MICAL2: variants seen among roughly 807,000 people sequenced by gnomAD.
The protein encoded by MICAL2 is [F-actin]-monooxygenase MICAL2.
A neutral mutation model predicts 127.3 loss-of-function variants in MICAL2; 77 were observed. That is an observed-to-expected ratio of 0.60 (90% CI 0.50 to 0.73). MICAL2 has a LOEUF of 0.73. MICAL2 is among the 30% of genes least tolerant of loss of function. The pLI, the probability that MICAL2 is intolerant of heterozygous loss-of-function variation, is 0.00. For synonymous variants in MICAL2, 570 were observed against 551.1 expected (o/e 1.03, Z -0.48); for missense variants, 1,351 against 1,434.4 (o/e 0.94, Z 0.94).
chr11:12,255,629 C>T lies in MICAL2; in HGVS notation c.2848-14C>T. The T allele has an allele frequency of 6.2e-7, 1 of 1,613,298 alleles. No homozygotes were observed. The highest frequency in any genetic ancestry group is 8.5e-7 in the Non-Finnish European group (1 of 1,179,458). Reference sequence around the variant, plus strand: ...ACCTTTGTCTCTGTCTCCTCTGCCTCTGCTCTTGGTTAGCTGACGGTAGGG... The same window carrying T: ...ACCTTTGTCTCTGTCTCCTCTGCCTTTGCTCTTGGTTAGCTGACGGTAGGG... On this transcript the variant is annotated splice_polypyrimidine_tract_variant and intron_variant, in intron 22 of 27. Coordinates refer to ENST00000683283, the MANE Select transcript of MICAL2 (RefSeq NM_001282663.2).
intron 3 of MICAL2, among the ~76,000 whole-genome samples, chr11:12,165,024 A>C: frequency 6.6e-6 from 1 of 152,140 alleles, no homozygotes; most frequent in African/African-American, 2.4e-5. Context: ...CTGTAGTCCC[A>C]GCTACTCAGG....
At chr11:12,227,347 G>A (rs559378355) in intron 15 of MICAL2, among the ~76,000 whole-genome samples, 1 of 152,328 alleles carries the variant, frequency 6.6e-6, no homozygotes, top group African/African-American at 2.4e-5. Context: ...AGTGGTTATA[G>A]GAAGGACATG....
At chr11:12,220,482 C>A in intron 9 of MICAL2, 24 bp downstream of exon 9, 1 of 1,601,046 alleles carries the variant, frequency 6.2e-7, no homozygotes. Context: ...TCGGAGCCCC[C>A]ATGTTTCTCT....
chr11:12,312,577 A>G (rs953654712), intron 29 of MICAL2, among the ~76,000 whole-genome samples: 10 of 152,196 alleles, frequency 6.6e-5, no homozygotes, highest in African/African-American at 2.4e-4. Context: ...TCACCAACAA[A>G]AGGCAGTTTA....
In MICAL2 at chr11:12,226,353, C is replaced by A. The variant is rs1428900971; in HGVS notation, c.1871C>A (p.Thr624Asn). The change falls in exon 14 of 28, where the codon ACC becomes AAC. Residue 624 changes from threonine to asparagine, a missense_variant. By Grantham distance (65) the Thr-to-Asn change is moderately conservative. Around this residue, in one of 2 missense-constraint regions of MICAL2, gnomAD observed 752 missense variants for 719.4 expected, o/e 1.05. Coordinates refer to ENST00000683283, the MANE Select transcript of MICAL2 (RefSeq NM_001282663.2). ...AAGTTCTACGAGCTCTTCCGGGGCA[C>A]CCCACTGAGGCCCGTGGGTAAGCAC... ...LSKFYELFRGTPLRPVDSWRK... is the reference protein window; with the variant it reads ...LSKFYELFRGNPLRPVDSWRK... The A allele has an allele frequency of 6.2e-7, 1 of 1,614,050 alleles. No homozygotes were observed. The highest frequency in any genetic ancestry group is 1.1e-5 in the South Asian group (1 of 91,074).
chr11:12,321,123 G>A (rs1164492655), intron 30 of MICAL2, among the ~76,000 whole-genome samples: 1 of 152,136 alleles, frequency 6.6e-6, no homozygotes, highest in East Asian at 1.9e-4. Context: ...TTTAGGACCA[G>A]TCTCACAAAT....
intron 3 of MICAL2, among the ~76,000 whole-genome samples, chr11:12,191,487 A>AG (rs1491313537): frequency 1.3e-5 from 2 of 150,380 alleles, no homozygotes; most frequent in East Asian, 3.9e-4. Context: ...AAAAAAAAAA[A>AG]TGTAGGCCAG....
intron 29 of MICAL2, among the ~76,000 whole-genome samples, chr11:12,307,845 A>G (rs966592768): frequency 6.6e-6 from 1 of 152,090 alleles, no homozygotes; most frequent in Non-Finnish European, 1.5e-5. Flanking sequence ...CTAAAAGCAC[A>G]CTTTCTTGAT....
At chr11:12,122,810 C>G (rs1249691537) in intron 1 of MICAL2, among the ~76,000 whole-genome samples, 1 of 152,188 alleles carries the variant, frequency 6.6e-6, no homozygotes, top group Non-Finnish European at 1.5e-5. Flanking sequence ...AAGTTCTTCT[C>G]ATAAACCTTG....
chr11:12,203,284 G>A (rs1405071328), intron 3 of MICAL2, among the ~76,000 whole-genome samples: 2 of 152,188 alleles, frequency 1.3e-5, no homozygotes, highest in African/African-American at 4.8e-5. Context: ...ATCTAGGAGT[G>A]GAATTGCTAG....
chr11:12,342,686 G>A (rs569485870), intron 32 of MICAL2, among the ~76,000 whole-genome samples: 1 of 152,310 alleles, frequency 6.6e-6, no homozygotes, highest in South Asian at 2.1e-4. Context: ...TTTGACATGC[G>A]TCAGCTCATT....
chr11:12,359,884 G>A (rs372509452), downstream of MICAL2, among the ~76,000 whole-genome samples: 2 of 152,128 alleles, frequency 1.3e-5, no homozygotes, highest in African/African-American at 4.8e-5. Context: ...GCAACAGTTG[G>A]CTCTGACTGG....
chr11:12,116,817 T>C (rs2133438696), intron 1 of MICAL2: 1 of 152,350 alleles, frequency 6.6e-6, no homozygotes, highest in East Asian at 1.9e-4. Context: ...TATGGAATAG[T>C]GTCTGAAGTA....
intron 3 of MICAL2, among the ~76,000 whole-genome samples, chr11:12,178,546 A>C (rs1338967802): frequency 1.3e-5 from 2 of 152,110 alleles, no homozygotes; most frequent in South Asian, 4.1e-4. Context: ...GAAAGAGTTA[A>C]GCTTTGCCTG....
chr11:12,218,572 C>A (rs1030743413), intron 8 of MICAL2, among the ~76,000 whole-genome samples: 1 of 152,210 alleles, frequency 6.6e-6, no homozygotes, highest in Non-Finnish European at 1.5e-5. Flanking sequence ...CCTCTCCCTT[C>A]TCTCTTCCCC....
At chr11:12,279,591 A>G (rs555267805) in intron 1 of MICAL2, among the ~76,000 whole-genome samples, 2 of 152,346 alleles carry the variant, frequency 1.3e-5, no homozygotes, top group East Asian at 1.9e-4. Context: ...AGGCAAATGC[A>G]TCGGCTCGTC....
chr11:12,340,782 TA>T (rs1938851090), intron 32 of MICAL2, among the ~76,000 whole-genome samples: 1 of 152,336 alleles, frequency 6.6e-6, no homozygotes, highest in African/African-American at 2.4e-5. Flanking sequence ...GAAGAATACA[TA>T]TAGTATAATA....
rs1220875191 is a variant in MICAL2, at chr11:12,244,023, C to T, written c.2695C>T (p.Pro899Ser). Reference protein sequence around the residue: ...LLSKGLSHTHPPSPPSRLPSP... With the variant: ...LLSKGLSHTHSPSPPSRLPSP... ...CTCTAAAGGCCTGTCTCATACTCAT[C>T]CTCCATCTCCTCCCTCTCGCCTTCC... Residue 899 changes from proline (P) to serine (S), a missense_variant, in exon 21 of 28, where the codon CCT becomes TCT. Around this residue, in one of 2 missense-constraint regions of MICAL2, gnomAD observed 752 missense variants for 719.4 expected, o/e 1.05. Transcript: ENST00000683283. 1.2e-6 allele frequency: 2 copies of T among 1,613,726 alleles called. No individual in the cohort carries two copies. Among genetic ancestry groups the T allele is most frequent in the East Asian group, 2.2e-5 (1 of 44,882 alleles).
At chr11:12,300,176 C>G (rs1224444669) in intron 29 of MICAL2, among the ~76,000 whole-genome samples, 5 of 152,090 alleles carry the variant, frequency 3.3e-5, no homozygotes, top group Non-Finnish European at 7.4e-5. Flanking sequence ...GTGCTGTAAT[C>G]CCAGCTACTT....
Sources: gnomAD v4.1 joint callset for allele counts (sites outside exome capture counted in the v4.1 genomes callset) on GRCh38, gnomAD v4.1.1 for gene constraint, gnomAD v4.1.1 regional missense constraint, MANE v1.5 for transcripts, NCBI Gene and HGNC (gene_info 2026-07-23, HGNC 2026-07-21) for gene names.